The following GABRG3 variants were observed in gnomAD, a reference collection of about 807,000 sequenced individuals.
The protein encoded by GABRG3 is gamma-aminobutyric acid type A receptor subunit gamma3, also known as gamma-aminobutyric acid receptor subunit gamma-3.
A neutral mutation model predicts 48.8 loss-of-function variants in GABRG3; 25 were observed. That is an observed-to-expected ratio of 0.51 (90% CI 0.37 to 0.72). GABRG3 has a LOEUF of 0.72. GABRG3 is among the 30% of genes least tolerant of loss of function. GABRG3 has a pLI of 0.00. For synonymous variants in GABRG3, 227 were observed against 217.6 expected, an observed-to-expected ratio of 1.04 and a Z score of -0.38; for missense variants, 394 against 577.9, an observed-to-expected ratio of 0.68 and a Z score of 3.26.
At position 27,414,547 on chromosome 15, in the gene GABRG3, A is replaced by G. The variant is rs528650277; in HGVS notation, c.575-66103A>G. Reference sequence around the variant, plus strand: ...ATGAAACAAGCATTTACAGATGGGGAACTCAAAGGAAATCCAGGGACTAGG... The same window carrying G: ...ATGAAACAAGCATTTACAGATGGGGGACTCAAAGGAAATCCAGGGACTAGG... On this transcript the variant is annotated intron_variant, in intron 5 of 9. Transcript: ENST00000615808. Among the ~76,000 whole-genome samples the G allele has an allele frequency of 6.6e-5, 10 of 152,288 alleles. No homozygotes were observed. The South Asian group carries it at 1.9e-3, about 28-fold the overall frequency.
At chr15:27,247,621 G>A (rs964626688) in intron 3 of GABRG3, among the ~76,000 whole-genome samples, 7 of 152,130 alleles carry the variant, frequency 4.6e-5, no homozygotes, top group Admixed American at 1.3e-4. Context: ...GTATTAGTCC[G>A]TTTTCACGCT....
chr15:27,388,328 A>G (rs1204973241), intron 5 of GABRG3, among the ~76,000 whole-genome samples: 3 of 63,322 alleles, frequency 4.7e-5, no homozygotes, highest in African/African-American at 7.0e-5. Context: ...GAAAAGAAGG[A>G]AGGAAGGAAA....
At chr15:27,382,945 T>A (rs1414765566) in intron 5 of GABRG3, among the ~76,000 whole-genome samples, 1 of 152,114 alleles carries the variant, frequency 6.6e-6, no homozygotes, top group Non-Finnish European at 1.5e-5. Flanking sequence ...GATATATTAA[T>A]CCTAAATTCA....
intron 5 of GABRG3, among the ~76,000 whole-genome samples, chr15:27,474,009 A>G (rs1889861314): frequency 6.6e-6 from 1 of 152,176 alleles, no homozygotes. Flanking sequence ...CTGAAGAGGG[A>G]CTTCTCTATC....
At chr15:27,122,380 CTAT>C (rs1301611474) in intron 3 of GABRG3, among the ~76,000 whole-genome samples, 1 of 152,194 alleles carries the variant, frequency 6.6e-6, no homozygotes, top group Non-Finnish European at 1.5e-5. Context: ...GTGATAGAAG[CTAT>C]TATTATCTTC....
intron 5 of GABRG3, among the ~76,000 whole-genome samples, chr15:27,384,511 G>T (rs1895866256): frequency 6.6e-6 from 1 of 152,158 alleles, no homozygotes; most frequent in African/African-American, 2.4e-5. Context: ...ACACACAAGT[G>T]CTTGATAAAG....
At chr15:27,368,479 T>C (rs1421517398) in intron 5 of GABRG3, among the ~76,000 whole-genome samples, 1 of 152,222 alleles carries the variant, frequency 6.6e-6, no homozygotes, top group Non-Finnish European at 1.5e-5. Flanking sequence ...AGTTATTGCA[T>C]AGCATGAATA....
intron 3 of GABRG3, among the ~76,000 whole-genome samples, chr15:27,183,117 T>A (rs1887985104): frequency 6.6e-6 from 1 of 152,182 alleles, no homozygotes; most frequent in South Asian, 2.1e-4. Context: ...TGACTTTTTT[T>A]TTCAATTTTT....
chr15:27,351,152 A>T (rs1894563880), intron 5 of GABRG3, among the ~76,000 whole-genome samples: 1 of 125,286 alleles, frequency 8.0e-6, no homozygotes, highest in Non-Finnish European at 1.6e-5. Flanking sequence ...GTGTGTGTGT[A>T]TGGTGCATGT....
chr15:27,019,055 C>A (rs1268308935), intron 2 of GABRG3, among the ~76,000 whole-genome samples: 4 of 42,002 alleles, frequency 9.5e-5, no homozygotes, highest in Non-Finnish European at 1.6e-4. Context: ...TCCCTAGAGT[C>A]TTTTTTTTTT....
intron 5 of GABRG3, among the ~76,000 whole-genome samples, chr15:27,382,750 G>A (rs12913369): frequency 0.016 from 2,421 of 152,206 alleles, 21 homozygotes; most frequent in Middle Eastern, 0.031. Context: ...GCTATTTGAC[G>A]AGGGACTGAG....
At position 27,541,813 on chromosome 15, in the gene GABRG3, CGCACTGGCGCCCGACGTGCCTTGGCG is replaced by C. The variant is rs1420598349; in HGVS notation, c.*8933_*8958del. ...TCGTGGTGTCCTAGTGAAATGAGGGCGCACTGGCGCCCGACGTGCCTTGGCGACACGGGCGGCGCCGCGCCCCGCTT... is the reference window on the plus strand; with the variant it reads ...TCGTGGTGTCCTAGTGAAATGAGGGCACACGGGCGGCGCCGCGCCCCGCTT... On this transcript the variant is annotated 3_prime_UTR_variant, in exon 10 of 10. Coordinates refer to ENST00000615808, the MANE Select transcript of GABRG3 (RefSeq NM_033223.5). 1 of 152,226 alleles carries C rather than the reference CGCACTGGCGCCCGACGTGCCTTGGCG, an allele frequency of 6.6e-6. No individual in the cohort carries two copies. The highest frequency in any genetic ancestry group is 1.5e-5 in the Non-Finnish European group (1 of 68,052). 9.4% of individuals were successfully genotyped at this position (152,226 alleles called of 1,614,324 possible).
chr15:27,359,355 G>A (rs1418928978), intron 5 of GABRG3, among the ~76,000 whole-genome samples: 1 of 152,202 alleles, frequency 6.6e-6, no homozygotes, highest in African/African-American at 2.4e-5. Flanking sequence ...ATTGCTTATT[G>A]TTCTATGTCC....
In GABRG3 at chr15:27,204,615, T is replaced by C. The variant is rs140664234; in HGVS notation, c.271-122194T>C. Among the ~76,000 whole-genome samples, 1,116 of 152,304 alleles carry C rather than the reference T, an allele frequency of 7.3e-3. 16 individuals are homozygous for C. Among genetic ancestry groups the C allele is most frequent in the African/African-American group, 0.025 (1,040 of 41,578 alleles). On this transcript the variant is annotated intron_variant, in intron 3 of 9. Transcript: ENST00000615808. ...TTTGATAGAAATGGCATTGAATCTG[T>C]AAATTGCTTTGGGCAGTATAGCCAT...
intron 2 of GABRG3, among the ~76,000 whole-genome samples, chr15:26,990,778 G>T (rs952521860): frequency 6.6e-6 from 1 of 150,582 alleles, no homozygotes; most frequent in East Asian, 1.9e-4. Context: ...TTAAGGTCTC[G>T]GATTGAAACC....
At chr15:27,107,289 G>A (rs929097073) in intron 3 of GABRG3, among the ~76,000 whole-genome samples, 1 of 151,838 alleles carries the variant, frequency 6.6e-6, no homozygotes, top group African/African-American at 2.4e-5. Context: ...GTTGTCAAGC[G>A]GCTTGTCTGC....
intron 3 of GABRG3, among the ~76,000 whole-genome samples, chr15:27,270,962 TG>T (rs1167375895): frequency 6.6e-6 from 1 of 152,156 alleles, no homozygotes; most frequent in Non-Finnish European, 1.5e-5. Flanking sequence ...GGCCATTCTT[TG>T]GGGGAATGGG....
At chr15:27,156,298 CAAAAAAAAAAAAA>C (rs34055206) in intron 3 of GABRG3, among the ~76,000 whole-genome samples, 5 of 78,124 alleles carry the variant, frequency 6.4e-5, no homozygotes, top group African/African-American at 2.6e-4. Flanking sequence ...CACTCTGTCT[CAAAAAAAAAAAAA>C]AAAAAAAAAA....
At chr15:27,111,054 A>G (rs947430101) in intron 3 of GABRG3, among the ~76,000 whole-genome samples, 2 of 152,282 alleles carry the variant, frequency 1.3e-5, no homozygotes, top group East Asian at 1.9e-4. Context: ...ACATTGCCTC[A>G]TAGTTCCTGG....
Sources: allele counts gnomAD v4.1 joint callset (sites outside exome capture counted in the v4.1 genomes callset), GRCh38; gene constraint gnomAD v4.1.1; transcripts MANE v1.5; gene names NCBI Gene and HGNC (gene_info 2026-07-23, HGNC 2026-07-21).